The following FAAH variants were observed in gnomAD, a reference collection of about 807,000 sequenced individuals.
FAAH encodes the protein fatty-acid amide hydrolase 1.
Under a neutral mutation model 69.7 loss-of-function variants are expected in FAAH, and 63 were observed. The ratio of observed to expected loss-of-function variants is 0.90; its 90% CI spans 0.74 to 1.12. The LOEUF is 1.12. FAAH is among the 50% of genes most tolerant of loss of function. FAAH has a pLI of 0.00. For synonymous variants in FAAH, 305 were observed against 324.2 expected, an observed-to-expected ratio of 0.94 and a Z score of 0.64; for missense variants, 680 against 755.0, an observed-to-expected ratio of 0.90 and a Z score of 1.16.
Position 46,412,172 on chromosome 1 carries a change from G to T in FAAH, c.1386G>T (p.Trp462Cys). 6.4e-7 allele frequency: 1 copy of T among 1,563,152 alleles called. No homozygotes were observed. Reference sequence around the variant, plus strand: ...ACCGCAAAACCGTGATTGCCCAGTGGAGGGCGCTGGACCTGGATGTGGTGC... The same window carrying T: ...ACCGCAAAACCGTGATTGCCCAGTGTAGGGCGCTGGACCTGGATGTGGTGC... Reference protein sequence around the residue: ...EVYRKTVIAQWRALDLDVVLT... With the variant: ...EVYRKTVIAQCRALDLDVVLT... The change falls in exon 13 of 15, where the codon TGG (tryptophan) becomes TGT (cysteine). Residue 462 changes from tryptophan to cysteine, a missense_variant. By Grantham distance (215) the Trp-to-Cys change is radical. Coordinates refer to ENST00000243167, the MANE Select transcript of FAAH (RefSeq NM_001441.3).
intron 1 of FAAH, among the ~76,000 whole-genome samples, chr1:46,399,652 G>A (rs1181830126): frequency 6.6e-6 from 1 of 152,144 alleles, no homozygotes; most frequent in Non-Finnish European, 1.5e-5. Context: ...TGCTGATTTC[G>A]ATGTCCTTCT....
Position 46,413,515 on chromosome 1 carries a change from G to C in FAAH, c.1680G>C (p.Leu560Phe). 6.2e-7 allele frequency: 1 copy of C among 1,614,136 alleles called. No homozygotes were observed. The highest frequency in any genetic ancestry group is 8.5e-7 in the Non-Finnish European group (1 of 1,180,008). Reference protein sequence around the residue: ...QCVALPWQEELCLRFMREVER... With the variant: ...QCVALPWQEEFCLRFMREVER... ...TGGCTCTGCCCTGGCAAGAAGAGTT[G>C]TGTCTGCGGTTCATGCGGGAGGTGG... is the stretch of plus-strand genomic sequence containing the variant. The change falls in exon 15 of 15, where the codon TTG becomes TTC. Residue 560 changes from leucine (L) to phenylalanine (F), a missense_variant. Transcript: ENST00000243167.
At position 46,395,215 on chromosome 1, in the gene FAAH, G is replaced by T. The variant is rs556707435; in HGVS notation, c.195+672G>T. Among the ~76,000 whole-genome samples the T allele has an allele frequency of 1.1e-3, 162 of 152,336 alleles. 1 individual carries two copies. Among genetic ancestry groups the T allele is most frequent in the African/African-American group, 3.6e-3 (150 of 41,566 alleles). The stretch of plus-strand genomic sequence containing the variant: ...CTCGGCCTCCCAAAGTGCTGGGCGT[G>T]AGCCACCGCGCCTGGCTGAGTTCAA... On this transcript the variant is annotated intron_variant, in intron 1 of 14. Coordinates refer to ENST00000243167, the MANE Select transcript of FAAH (RefSeq NM_001441.3).
rs201977512 is a variant in FAAH at position 46,408,474 on chromosome 1, C to T, written c.967C>T (p.Gln323Ter). The T allele has an allele frequency of 2.5e-6, 4 of 1,614,212 alleles. No individual in the cohort carries two copies. Among genetic ancestry groups the T allele is most frequent in the Non-Finnish European group, 3.4e-6 (4 of 1,180,030 alleles). The change falls in exon 8 of 15, where the codon CAG becomes TAG. Residue 323 changes from glutamine to a stop codon, truncating the protein, a stop_gained. Coordinates refer to ENST00000243167, the MANE Select transcript of FAAH (RefSeq NM_001441.3). LOFTEE classifies it high-confidence loss of function. ...PFREEVYTSS[Q>*]PLRVGYYETD... ...TTCCCTCCAGGTCTACACCAGCTCT[C>T]AGCCCCTGCGTGTGGGGTACTATGA...
intron 14 of FAAH, 33 bp downstream of exon 14, chr1:46,413,253 C>T (rs1173805128): frequency 1.9e-6 from 3 of 1,613,762 alleles, no homozygotes; most frequent in South Asian, 2.2e-5. Context: ...ACTGGACTCA[C>T]TCCCCACCCT....
Position 46,410,091 on chromosome 1 carries a change from GGGAGGTAC to G in FAAH, c.1176-306_1176-299del. On this transcript the variant is annotated intron_variant, in intron 9 of 14. Coordinates refer to ENST00000243167, the MANE Select transcript of FAAH (RefSeq NM_001441.3). This position sits in a 1 kb window ranked among gnomAD's most constrained non-coding sequence, Gnocchi z 4.9. Reference sequence around the variant, plus strand: ...TGCCTCCAGGCTGTACCTCCCTAAGGGGAGGTACCCTCAGGGAGGCCTCATCAGGGAGA... The same window carrying G: ...TGCCTCCAGGCTGTACCTCCCTAAGGCCTCAGGGAGGCCTCATCAGGGAGA... 1 of 333,494 alleles carries G rather than the reference GGGAGGTAC, an allele frequency of 3.0e-6. No individual in the cohort carries two copies. The highest frequency in any genetic ancestry group is 3.4e-5 in the South Asian group (1 of 29,184). 20.7% of individuals were successfully genotyped at this position (333,494 alleles called of 1,614,324 possible). A position where few individuals can be genotyped will look rare whatever the true frequency, so the allele number is the denominator to read the frequency against.
Position 46,405,992 on chromosome 1 carries a change from G to T in FAAH, c.786-46G>T, listed in dbSNP as rs779524918. 16 of 1,613,778 alleles carry T rather than the reference G, an allele frequency of 9.9e-6. No individual in the cohort carries two copies. In the Admixed American group the frequency reaches 2.3e-4, roughly 24 times the overall value. ...CTGCTCTGTGGGTGTGGGGATGGCG[G>T]CGGGTGGCCATTTCCTGTTTCCAGC... On this transcript the variant is annotated intron_variant, in intron 5 of 14. Transcript: ENST00000243167. This position sits in a 1 kb window ranked among gnomAD's most constrained non-coding sequence, Gnocchi z 4.1.
rs761097878 is a variant in FAAH, at chr1:46,413,806, G to A, written c.*231G>A. 4.3e-5 allele frequency: 25 copies of A among 582,418 alleles called. No individual in the cohort carries two copies. Among genetic ancestry groups the A allele is most frequent in the Non-Finnish European group, 7.7e-5 (25 of 326,170 alleles). The allele number at this position is 582,418 out of a possible 1,614,324, so 36.1% of individuals were successfully genotyped here. A position where few individuals can be genotyped will look rare whatever the true frequency, so the allele number is the denominator to read the frequency against. The stretch of plus-strand genomic sequence containing the variant: ...TCCACCCCCATGTGGCAGCCCATGG[G>A]TATGACATAGGCCAAGGCCCAACTA... On this transcript the variant is annotated 3_prime_UTR_variant, in exon 15 of 15. Coordinates refer to ENST00000243167, the MANE Select transcript of FAAH (RefSeq NM_001441.3).
Position 46,407,196 on chromosome 1 carries a change from G to T in FAAH, c.951+828G>T, listed in dbSNP as rs369198192. On this transcript the variant is annotated intron_variant, in intron 7 of 14. Coordinates refer to ENST00000243167, the MANE Select transcript of FAAH (RefSeq NM_001441.3). ...CAGGCTGGGCTTGTTGCTTTCTGTGGCGAGGCAGCACTGTCTTGCAAAGCC... is the reference window on the plus strand; with the variant it reads ...CAGGCTGGGCTTGTTGCTTTCTGTGTCGAGGCAGCACTGTCTTGCAAAGCC... Among the ~76,000 whole-genome samples, 8 of 152,224 alleles carry T rather than the reference G, an allele frequency of 5.3e-5. No homozygotes were observed. In the East Asian group the frequency reaches 1.6e-3, roughly 30 times the overall value.
At position 46,410,350 on chromosome 1, in the gene FAAH, G is replaced by C. The variant is rs201212225; in HGVS notation, c.1176-48G>C. 6.7e-7 allele frequency: 1 copy of C among 1,500,676 alleles called. No homozygotes were observed. The highest frequency in any genetic ancestry group is 9.3e-7 in the Non-Finnish European group (1 of 1,076,606). The allele number at this position is 1,500,676 out of a possible 1,614,324, so 93.0% of individuals were successfully genotyped here. On this transcript the variant is annotated intron_variant, in intron 9 of 14. Transcript: ENST00000243167. This position sits in a 1 kb window ranked among gnomAD's most constrained non-coding sequence, Gnocchi z 4.9. The stretch of plus-strand genomic sequence containing the variant: ...GCTGTGGGCCGGGCGAGCAAGCTGG[G>C]AAGGATGTGGGGATGGGAGTGCCTG...
Position 46,405,217 on chromosome 1 carries a change from G to A in FAAH, c.444+69G>A. 6.2e-7 allele frequency: 1 copy of A among 1,612,870 alleles called. No individual in the cohort carries two copies. Among genetic ancestry groups the A allele is most frequent in the Non-Finnish European group, 8.5e-7 (1 of 1,179,976 alleles). On this transcript the variant is annotated intron_variant, in intron 3 of 14. Coordinates refer to ENST00000243167, the MANE Select transcript of FAAH (RefSeq NM_001441.3). The surrounding 1 kb of genome is among the most constrained non-coding windows in gnomAD (Gnocchi z 4.1). ...CCTGCCAGCCTGCTCTGCATCTTGG[G>A]TCATTTTGGGCCCTTAGAGGAGGTA...
intron 9 of FAAH, among the ~76,000 whole-genome samples, chr1:46,409,661 T>C (rs1341624952): frequency 6.6e-6 from 1 of 152,154 alleles, no homozygotes; most frequent in Admixed American, 6.5e-5. Flanking sequence ...GCAGAGCTCA[T>C]TTTTAGAGAA....
intron 1 of FAAH, among the ~76,000 whole-genome samples, chr1:46,398,070 G>T (rs1279749424): frequency 6.7e-6 from 1 of 149,314 alleles, no homozygotes; most frequent in Non-Finnish European, 1.5e-5. Flanking sequence ...AGTAGCTGGG[G>T]TTACAGGTGC....
rs1664788966 is a variant in FAAH at position 46,406,070 on chromosome 1, A to C, written c.818A>C (p.Gln273Pro). 1.2e-6 allele frequency: 2 copies of C among 1,614,208 alleles called. No homozygotes were observed. The highest frequency in any genetic ancestry group is 1.7e-6 in the Non-Finnish European group (2 of 1,180,036). The change falls in exon 6 of 15, where the codon CAG (glutamine) becomes CCG (proline). Residue 273 changes from glutamine to proline, a missense_variant. Physicochemically the swap from Gln to Pro is moderately conservative, Grantham distance 76. Coordinates refer to ENST00000243167, the MANE Select transcript of FAAH (RefSeq NM_001441.3). ...GGCCTGAAGGGCTGTGTCTATGGAC[A>C]GGAGGCAGGTGAGGTCCGTGGTGCT... Reference protein sequence around the residue: ...KSGLKGCVYGQEAVRLSVGPM... With the variant: ...KSGLKGCVYGPEAVRLSVGPM...
At position 46,404,611 on chromosome 1, in the gene FAAH, G is replaced by A. The variant is rs1569814150; in HGVS notation, c.310-403G>A. On this transcript the variant is annotated intron_variant, in intron 2 of 14. Coordinates refer to ENST00000243167, the MANE Select transcript of FAAH (RefSeq NM_001441.3). The surrounding 1 kb of genome is among the most constrained non-coding windows in gnomAD (Gnocchi z 4.5). ...CTGCTCTGTGGTTGCCCTTCAGTGT[G>A]ACCAGTGATGGGGCGCTGCCCCTGT... Among the ~76,000 whole-genome samples, 1 of 152,340 alleles carries A rather than the reference G, an allele frequency of 6.6e-6. No individual in the cohort carries two copies. Among genetic ancestry groups the A allele is most frequent in the East Asian group, 1.9e-4 (1 of 5,182 alleles).
intron 7 of FAAH, among the ~76,000 whole-genome samples, chr1:46,406,575 CTTTCTTTCTTTTT>C (rs1664800168): frequency 1.4e-5 from 2 of 138,546 alleles, no homozygotes; most frequent in Non-Finnish European, 3.1e-5. Flanking sequence ...TTTTCCTTTT[CTTTCTTTCTTTTT>C]TTTTTTTTTT....
intron 8 of FAAH, 48 bp downstream of exon 8, chr1:46,408,632 G>A (rs1664844312): frequency 6.2e-7 from 1 of 1,613,338 alleles, no homozygotes; most frequent in Non-Finnish European, 8.5e-7. Flanking sequence ...CCCCTCACGG[G>A]AAGCCTTCCT....
chr1:46,406,190 G>A (rs1265283377), intron 6 of FAAH, 54 bp from the exon 7 acceptor site: 6 of 1,613,868 alleles, frequency 3.7e-6, no homozygotes, highest in Non-Finnish European at 5.1e-6. Flanking sequence ...GCTGCTCTAG[G>A]TCTGGGTTCC....
At chr1:46,412,376 CTGGA>C in intron 13 of FAAH, 125 bp downstream of exon 13, 1 of 794,578 alleles carries the variant, frequency 1.3e-6, no homozygotes, top group Non-Finnish European at 2.1e-6. Flanking sequence ...GTCTGGCTGA[CTGGA>C]GACATGGCAG....
Sources: gnomAD v4.1 joint callset for allele counts (sites outside exome capture counted in the v4.1 genomes callset) on GRCh38, gnomAD v4.1.1 for gene constraint, Gnocchi (gnomAD v3.1) non-coding constraint, MANE v1.5 for transcripts, NCBI Gene and HGNC (gene_info 2026-07-23, HGNC 2026-07-21) for gene names.